DEAF1: variants seen among roughly 807,000 people sequenced by gnomAD.
The protein encoded by DEAF1 is DEAF1 transcription factor.
DEAF1 carries 53 observed loss-of-function variants against 58.9 expected under a neutral mutation model. The observed-to-expected ratio is 0.90, with a 90% CI of 0.72 to 1.13. The LOEUF is 1.13. DEAF1 is among the 50% of genes most tolerant of loss of function. The probability of loss-of-function intolerance (pLI) is 0.00; values close to 1 mark genes in which losing one functional copy is unlikely to be tolerated. For missense variants in DEAF1, 685 were observed against 791.4 expected, an observed-to-expected ratio of 0.87 and a Z score of 1.61; for synonymous variants, 385 against 340.4, an observed-to-expected ratio of 1.13 and a Z score of -1.44.
chr11:704,253 C>A, intron 1 of DEAF1: 1 of 763,006 alleles, frequency 1.3e-6, no homozygotes, highest in Non-Finnish European at 1.8e-6. Context: ...GGCTGCCGGG[C>A]GCCTTCCGCT....
At chr11:679,869 A>G (rs1860267062) in intron 7 of DEAF1, 53 bp from the exon 8 acceptor site, 2 of 1,606,988 alleles carry the variant, frequency 1.2e-6, no homozygotes, top group Non-Finnish European at 1.7e-6. Flanking sequence ...CCCACGGCAC[A>G]CAGGTCCCGT....
Position 686,968 on chromosome 11 carries a change from C to T in DEAF1, c.694G>A (p.Glu232Lys). The change falls in exon 5 of 12, where the codon GAG (glutamate) becomes AAG (lysine). Residue 232 changes from glutamate (E) to lysine (K), a missense_variant. Glu to Lys is a moderately conservative substitution (Grantham distance 56). Transcript: ENST00000382409. The part of the protein sequence containing the change: ...GGRGRCIKQG[E>K]NWYSPTEFEA... ...AACTCGGTGGGACTGTACCAGTTCT[C>T]CCCCTGCTTGATGCACCGTCCCCGG... is the stretch of plus-strand genomic sequence containing the variant. 1 of 1,614,212 alleles carries T rather than the reference C, an allele frequency of 6.2e-7. No homozygotes were observed. Among genetic ancestry groups the T allele is most frequent in the Non-Finnish European group, 8.5e-7 (1 of 1,180,040 alleles).
chr11:681,912 T>C (rs1287611605), intron 6 of DEAF1, among the ~76,000 whole-genome samples: 3 of 152,190 alleles, frequency 2.0e-5, no homozygotes, highest in Non-Finnish European at 2.9e-5. Context: ...TTTCTTCCTG[T>C]GTATGGTCCA....
chr11:698,730 A>AC, upstream of DEAF1: 1 of 981,810 alleles, frequency 1.0e-6, no homozygotes, highest in South Asian at 1.3e-5. Context: ...TGGCAGGCCC[A>AC]CGGTATATGT....
At chr11:662,409 G>A (rs1859358032) in intron 10 of DEAF1, among the ~76,000 whole-genome samples, 1 of 152,206 alleles carries the variant, frequency 6.6e-6, no homozygotes, top group African/African-American at 2.4e-5. Context: ...GCAGTGGCGT[G>A]GGATCAGGGA....
intron 10 of DEAF1, among the ~76,000 whole-genome samples, chr11:657,542 G>C (rs1180302242): frequency 6.6e-6 from 1 of 152,146 alleles, no homozygotes; most frequent in Admixed American, 6.5e-5. Context: ...TCCCGTCTAG[G>C]AGAAGCCCCC....
chr11:654,144 A>T, intron 10 of DEAF1, 93 bp from the exon 11 acceptor site: 1 of 931,746 alleles, frequency 1.1e-6, no homozygotes, highest in Admixed American at 2.0e-5. Context: ...AGGAGGCCCC[A>T]AGTTCCCCCC....
chr11:698,443 A>T (rs10902197), upstream of DEAF1, among the ~76,000 whole-genome samples: 100,676 of 152,128 alleles, frequency 0.66, 33,549 homozygotes, highest in East Asian at 0.93. Flanking sequence ...TCAATCATGA[A>T]AAAAGATTTG....
At chr11:685,839 G>T (rs936959391) in intron 5 of DEAF1, among the ~76,000 whole-genome samples, 1 of 148,974 alleles carries the variant, frequency 6.7e-6, no homozygotes, top group Non-Finnish European at 1.5e-5. Flanking sequence ...AACATGGTTG[G>T]TCTCCATTAA....
rs1428043776 is a variant in DEAF1 at position 684,898 on chromosome 11, T to G, written c.870A>C (p.Leu290Phe). Residue 290 changes from leucine (L) to phenylalanine (F), a missense_variant and splice_region_variant, in exon 6 of 12, where the codon TTA (leucine) becomes TTC (phenylalanine). Coordinates refer to ENST00000382409, the MANE Select transcript of DEAF1 (RefSeq NM_021008.4). ...TCAACCDDMT[L>F]SGPVRLFVPY... ...TGTTCCAGACACGCTGGCCACTTAC[T>G]AAGGTCATGTCGTCGCAGCAGGCAG... 1 of 1,551,434 alleles carries G rather than the reference T, an allele frequency of 6.4e-7. No individual in the cohort carries two copies. The highest frequency in any genetic ancestry group is 2.0e-5 in the Admixed American group (1 of 50,984).
rs1474833016 is a variant in DEAF1, at chr11:694,485, GA to G, written c.289+273del. Reference sequence around the variant, plus strand: ...TGGTCACCTGGAGCAGGTACGTGGGGAAAGTGTGAGGGGCGGGTGGGGCAGG... The same window carrying G: ...TGGTCACCTGGAGCAGGTACGTGGGGAAGTGTGAGGGGCGGGTGGGGCAGG... On this transcript the variant is annotated intron_variant, in intron 1 of 11. Transcript: ENST00000382409. 157 of 331,320 alleles carry G rather than the reference GA, an allele frequency of 4.7e-4. 2 individuals are homozygous for G. Among genetic ancestry groups the G allele is most frequent in the African/African-American group, 3.4e-3 (147 of 43,500 alleles). 20.5% of individuals were successfully genotyped at this position (331,320 alleles called of 1,614,324 possible). A position where few individuals can be genotyped will look rare whatever the true frequency, so the allele number is the denominator to read the frequency against.
At chr11:679,218 G>A (rs1357191205) in intron 8 of DEAF1, among the ~76,000 whole-genome samples, 1 of 151,984 alleles carries the variant, frequency 6.6e-6, no homozygotes, top group Non-Finnish European at 1.5e-5. Context: ...GGGAGGCTGA[G>A]GCAGGAGAAC....
At position 654,023 on chromosome 11, in the gene DEAF1, G is replaced by A; in HGVS notation, c.1532C>T (p.Ala511Val). The change falls in exon 11 of 12, where the codon GCT becomes GTT. Residue 511 changes from alanine to valine, a missense_variant. Transcript: ENST00000382409. ...EQSCVNCGRE[A>V]MSECTGCHKV... ...GTGGCAGCCGGTGCACTCGCTCATA[G>A]CCTCCCGGCCGCAGTTAACGCAGGA... is the stretch of plus-strand genomic sequence containing the variant. 1 of 1,613,810 alleles carries A rather than the reference G, an allele frequency of 6.2e-7. No homozygotes were observed. The highest frequency in any genetic ancestry group is 8.5e-7 in the Non-Finnish European group (1 of 1,179,960).
chr11:668,788 C>A (rs1353818514), intron 10 of DEAF1, among the ~76,000 whole-genome samples: 2 of 152,114 alleles, frequency 1.3e-5, no homozygotes. Context: ...CACCTCTGTA[C>A]TCCAGCCTGG....
chr11:689,794 C>G (rs1860751041), intron 2 of DEAF1: 2 of 152,214 alleles, frequency 1.3e-5, no homozygotes, highest in South Asian at 4.1e-4. Context: ...AGGAACACAC[C>G]AGTCTCTGGT....
intron 11 of DEAF1, among the ~76,000 whole-genome samples, chr11:649,143 T>C (rs1564921594): frequency 6.6e-6 from 1 of 151,912 alleles, no homozygotes; most frequent in Non-Finnish European, 1.5e-5. Context: ...CCCAACTACT[T>C]GGGAGGCTGA....
chr11:695,741 G>A (rs2133443162), upstream of DEAF1: 2 of 1,240,434 alleles, frequency 1.6e-6, no homozygotes, highest in South Asian at 3.7e-5. Flanking sequence ...CCCTTCGTCA[G>A]GAGACGCGAA....
At chr11:667,223 A>G (rs1486093951) in intron 10 of DEAF1, among the ~76,000 whole-genome samples, 1 of 152,058 alleles carries the variant, frequency 6.6e-6, no homozygotes, top group Admixed American at 6.6e-5. Context: ...TCTGGAGGCT[A>G]AGGGAAGATC....
rs28392994 is a variant in DEAF1, at chr11:679,915, G to A, written c.998-99C>T. The stretch of plus-strand genomic sequence containing the variant: ...GGCGCCAATCCTTGTGGGGGCCTGG[G>A]CTGAAGGGCGGGCAGTGGTAACTGT... On this transcript the variant is annotated intron_variant, in intron 7 of 11. Coordinates refer to ENST00000382409, the MANE Select transcript of DEAF1 (RefSeq NM_021008.4). 709,407 of 1,543,674 alleles carry A rather than the reference G, an allele frequency of 0.46. 166,147 individuals carry two copies. Among genetic ancestry groups the A allele is most frequent in the East Asian group, 0.58 (25,131 of 43,296 alleles).
Sources: allele counts gnomAD v4.1 joint callset (sites outside exome capture counted in the v4.1 genomes callset), GRCh38; gene constraint gnomAD v4.1.1; transcripts MANE v1.5; gene names NCBI Gene and HGNC (gene_info 2026-07-23, HGNC 2026-07-21).